DARS1: variants seen among roughly 807,000 people sequenced by gnomAD.
The protein encoded by DARS1 is aspartyl-tRNA synthetase 1.
Under a neutral mutation model 68.8 loss-of-function variants are expected in DARS1, and 51 were observed. The observed-to-expected ratio is 0.74, with a 90% CI of 0.59 to 0.94. The LOEUF is 0.94. Ranked by LOEUF, DARS1 falls within the 40% of genes least tolerant of loss-of-function variation. DARS1 has a pLI of 0.00. For synonymous variants in DARS1, 203 were observed against 190.4 expected, an observed-to-expected ratio of 1.07 and a Z score of -0.55; for missense variants, 607 against 597.3, an observed-to-expected ratio of 1.02 and a Z score of -0.17.
At position 135,911,145 on chromosome 2, in the gene DARS1, C is replaced by T; in HGVS notation, c.1408G>A (p.Gly470Ser). Residue 470 changes from glycine (G) to serine (S), a missense_variant, in exon 15 of 16, where the codon GGC (glycine) becomes AGC (serine). Transcript: ENST00000264161. ...RFGAPPHAGG[G>S]IGLERVTMLF... Reference sequence around the variant, plus strand: ...AGCAATAACAGAATATTACCAATGCCTCCACCAGCATGAGGAGGGGCTCCA... The same window carrying T: ...AGCAATAACAGAATATTACCAATGCTTCCACCAGCATGAGGAGGGGCTCCA... 7.1e-7 allele frequency: 1 copy of T among 1,407,350 alleles called. No individual in the cohort carries two copies. The highest frequency in any genetic ancestry group is 1.0e-6 in the Non-Finnish European group (1 of 991,904). 87.2% of individuals were successfully genotyped at this position (1,407,350 alleles called of 1,614,324 possible).
At chr2:135,924,345 A>T (rs777687859) in intron 8 of DARS1, 42 bp downstream of exon 8, 38 of 1,534,234 alleles carry the variant, frequency 2.5e-5, no homozygotes, top group Non-Finnish European at 3.3e-5. Context: ...TGGGGAGAGC[A>T]AATTTATTTT....
intron 3 of DARS1, among the ~76,000 whole-genome samples, chr2:135,973,594 C>A (rs1436008490): frequency 6.6e-6 from 1 of 151,998 alleles, no homozygotes; most frequent in Non-Finnish European, 1.5e-5. Flanking sequence ...GTGGCTCACA[C>A]CTGTAATCCA....
intron 3 of DARS1, among the ~76,000 whole-genome samples, chr2:135,977,990 A>G (rs1444667965): frequency 6.6e-6 from 1 of 151,910 alleles, no homozygotes; most frequent in East Asian, 1.9e-4. Flanking sequence ...TAAAAATGCA[A>G]AACTTTGCCA....
chr2:135,982,851 G>A (rs986816852), intron 2 of DARS1, among the ~76,000 whole-genome samples: 2 of 152,148 alleles, frequency 1.3e-5, no homozygotes, highest in African/African-American at 2.4e-5. Context: ...TCCCAAGTCT[G>A]GCAGACTCTG....
chr2:135,932,650 A>G, intron 7 of DARS1, 133 bp downstream of exon 7: 1 of 549,734 alleles, frequency 1.8e-6, no homozygotes, highest in East Asian at 2.9e-5. Flanking sequence ...CAGAAAAGGA[A>G]ATTGTTTCCT....
intron 7 of DARS1, among the ~76,000 whole-genome samples, chr2:135,928,146 C>T (rs1681264442): frequency 6.6e-6 from 1 of 152,140 alleles, no homozygotes; most frequent in Admixed American, 6.5e-5. Context: ...TTGTATTAGA[C>T]TTGTAGCTTT....
At chr2:135,939,195 A>T (rs1280968409) in intron 5 of DARS1, among the ~76,000 whole-genome samples, 1 of 152,214 alleles carries the variant, frequency 6.6e-6, no homozygotes, top group Non-Finnish European at 1.5e-5. Context: ...CCCCAAATCA[A>T]CAGAATATAC....
Position 135,985,309 on chromosome 2 carries a change from A to G in DARS1, c.66+94T>C, listed in dbSNP as rs1045608292. ...GCAGCCTGCGGAGAACGTGCCGACA[A>G]GGACCTGTAGGGCCCCACTCCCCCT... On this transcript the variant is annotated intron_variant, in intron 1 of 15. Coordinates refer to ENST00000264161, the MANE Select transcript of DARS1 (RefSeq NM_001349.4). The G allele has an allele frequency of 3.5e-5, 52 of 1,490,662 alleles. 1 individual carries two copies. In the African/African-American group the frequency reaches 6.4e-4, roughly 18 times the overall value. The allele number at this position is 1,490,662 out of a possible 1,614,324, so 92.3% of individuals were successfully genotyped here. A position where few individuals can be genotyped will look rare whatever the true frequency, so the allele number is the denominator to read the frequency against.
chr2:135,955,962 T>A (rs537405410), intron 4 of DARS1, among the ~76,000 whole-genome samples: 27 of 152,270 alleles, frequency 1.8e-4, no homozygotes, highest in Admixed American at 1.8e-3. Flanking sequence ...CCCAGCCATA[T>A]GTTTCAATTC....
chr2:135,961,293 C>A (rs1682094260), intron 4 of DARS1, 103 bp downstream of exon 4: 1 of 685,312 alleles, frequency 1.5e-6, no homozygotes, highest in Non-Finnish European at 2.6e-6. Flanking sequence ...CATTTTTAAA[C>A]AAACGAAGCA....
At chr2:135,934,672 TA>T (rs1284350682) in intron 5 of DARS1, among the ~76,000 whole-genome samples, 1 of 151,974 alleles carries the variant, frequency 6.6e-6, no homozygotes, top group Non-Finnish European at 1.5e-5. Flanking sequence ...AAGCTATTGT[TA>T]GGGAAATCAC....
chr2:135,919,007 T>C (rs1681058587), intron 10 of DARS1, among the ~76,000 whole-genome samples: 1 of 152,186 alleles, frequency 6.6e-6, no homozygotes, highest in Non-Finnish European at 1.5e-5. Flanking sequence ...TGCTACAGTA[T>C]TCTTAAGATC....
At position 135,907,214 on chromosome 2, in the gene DARS1, G is replaced by T; in HGVS notation, c.*102C>A. ...CTAAAGTACAGCCTGTGCACTAGCA[G>T]GTTACTGAAAAGAATAAGTGTGGCT... is the stretch of plus-strand genomic sequence containing the variant. On this transcript the variant is annotated 3_prime_UTR_variant, in exon 16 of 16. Coordinates refer to ENST00000264161, the MANE Select transcript of DARS1 (RefSeq NM_001349.4). 2 of 700,680 alleles carry T rather than the reference G, an allele frequency of 2.9e-6. No homozygotes were observed. The highest frequency in any genetic ancestry group is 4.6e-6 in the Non-Finnish European group (2 of 438,778). The allele number at this position is 700,680 out of a possible 1,614,324, so 43.4% of individuals were successfully genotyped here.
At chr2:135,961,556 A>G in intron 3 of DARS1, 58 bp from the exon 4 acceptor site, 1 of 913,964 alleles carries the variant, frequency 1.1e-6, no homozygotes, top group East Asian at 2.4e-5. Flanking sequence ...AGGTTTTACA[A>G]AGAAGGAAAA....
At chr2:135,970,799 A>C (rs909625147) in intron 3 of DARS1, among the ~76,000 whole-genome samples, 1 of 152,172 alleles carries the variant, frequency 6.6e-6, no homozygotes, top group Non-Finnish European at 1.5e-5. Context: ...AGAAATTCAA[A>C]AGATTAGTGG....
chr2:135,984,264 T>C (rs1443639343), intron 1 of DARS1, among the ~76,000 whole-genome samples: 1 of 152,242 alleles, frequency 6.6e-6, no homozygotes, highest in Non-Finnish European at 1.5e-5. Context: ...AGACCTATAC[T>C]ATCTGTAAGG....
At position 135,949,025 on chromosome 2, in the gene DARS1, T is replaced by C. The variant is rs567911069; in HGVS notation, c.321-5545A>G. ...ACTCATTAGAGAATGAGAAACATAC[T>C]TGTGACTCATCAGCTACCAATAAAT... is the stretch of plus-strand genomic sequence containing the variant. On this transcript the variant is annotated intron_variant, in intron 4 of 15. Coordinates refer to ENST00000264161, the MANE Select transcript of DARS1 (RefSeq NM_001349.4). Among the ~76,000 whole-genome samples, 345 of 152,234 alleles carry C rather than the reference T, an allele frequency of 2.3e-3. 1 individual carries two copies. Among genetic ancestry groups the C allele is most frequent in the African/African-American group, 8.0e-3 (331 of 41,546 alleles).
intron 3 of DARS1, among the ~76,000 whole-genome samples, chr2:135,976,381 A>G (rs1468616352): frequency 2.0e-5 from 3 of 152,186 alleles, no homozygotes; most frequent in South Asian, 2.1e-4. Context: ...TTGAGATAGA[A>G]TAACAGTTAA....
intron 4 of DARS1, among the ~76,000 whole-genome samples, chr2:135,954,325 C>CAAAAAAAAAAAAA (rs1172207033): frequency 3.7e-5 from 3 of 81,478 alleles, no homozygotes; most frequent in Admixed American, 1.3e-4. Flanking sequence ...AAAACAAAAC[C>CAAAAAAAAAAAAA]AAAAAAAAAA....
Sources: allele counts gnomAD v4.1 joint callset (sites outside exome capture counted in the v4.1 genomes callset), GRCh38; gene constraint gnomAD v4.1.1; transcripts MANE v1.5; gene names NCBI Gene and HGNC (gene_info 2026-07-23, HGNC 2026-07-21).